The following LAMB4 variants were observed in gnomAD, a reference collection of about 807,000 sequenced individuals.
LAMB4 encodes laminin subunit beta-4.
Under a neutral mutation model 199.2 loss-of-function variants are expected in LAMB4, and 196 were observed. The ratio of observed to expected loss-of-function variants is 0.98; its 90% CI spans 0.88 to 1.11. The LOEUF (loss-of-function observed/expected upper bound fraction) is 1.11. Among genes scored for constraint, LAMB4 ranks in the 50% least tolerant of loss-of-function variants. LAMB4 has a pLI of 0.00. For synonymous variants in LAMB4, 744 were observed against 770.6 expected (o/e 0.97, Z 0.57); for missense variants, 2,080 against 2,171.2 (o/e 0.96, Z 0.83).
chr7:108,072,418 T>C (rs977611350), intron 17 of LAMB4, among the ~76,000 whole-genome samples: 5 of 152,204 alleles, frequency 3.3e-5, no homozygotes, highest in African/African-American at 1.2e-4. Context: ...GCATATTACA[T>C]TGATGTTATT....
intron 15 of LAMB4, 102 bp downstream of exon 15, chr7:108,079,499 T>A: frequency 9.8e-7 from 1 of 1,019,138 alleles, no homozygotes; most frequent in Non-Finnish European, 1.4e-6. Context: ...TTTTTACAAA[T>A]CCTTTTCTGA....
intron 4 of LAMB4, among the ~76,000 whole-genome samples, chr7:108,110,349 T>C (rs1401191963): frequency 6.6e-6 from 1 of 152,212 alleles, no homozygotes; most frequent in East Asian, 1.9e-4. Context: ...TGATTCTTTA[T>C]TATACATTTT....
rs1376977673 is a variant in LAMB4 at position 108,049,364 on chromosome 7, G to A, written c.4084C>T (p.Gln1362Ter). 6.3e-7 allele frequency: 1 copy of A among 1,582,350 alleles called. No homozygotes were observed. Among genetic ancestry groups the A allele is most frequent in the South Asian group, 1.1e-5 (1 of 90,170 alleles). ...ATTTGGATATCTGGTATCTTAATCT[G>A]CTTTAATCTTTCCAATGACAAGTTT... is the stretch of plus-strand genomic sequence containing the variant. ...KGNLSLERLKQIKIPDIQILN... is the reference protein window; with the variant it reads ...KGNLSLERLK Residue 1362 changes from glutamine to a stop codon, truncating the protein, a stop_gained, in exon 27 of 34, where the codon CAG becomes TAG. Transcript: ENST00000388781. LOFTEE classifies it high-confidence loss of function.
At chr7:108,114,435 T>C (rs958974350) in intron 3 of LAMB4, among the ~76,000 whole-genome samples, 1 of 146,826 alleles carries the variant, frequency 6.8e-6, no homozygotes, top group Admixed American at 6.6e-5. Flanking sequence ...CGAGACCCTA[T>C]CTAAAAAATA....
At chr7:108,033,863 C>A (rs1303082748) in intron 31 of LAMB4, among the ~76,000 whole-genome samples, 1 of 149,060 alleles carries the variant, frequency 6.7e-6, no homozygotes, top group Non-Finnish European at 1.5e-5. Context: ...AAAGTCTATT[C>A]CTTTCCCTGG....
intron 11 of LAMB4, 74 bp from the exon 12 acceptor site, chr7:108,095,411 C>G: frequency 9.0e-7 from 1 of 1,105,204 alleles, no homozygotes; most frequent in Non-Finnish European, 1.4e-6. Context: ...ATAGCTCACA[C>G]AAAGCAAGAA....
chr7:108,026,805 C>G, intron 33 of LAMB4: 1 of 467,022 alleles, frequency 2.1e-6, no homozygotes, highest in East Asian at 5.7e-5. Flanking sequence ...CTCTTCCTAA[C>G]AGAGAGGAAC....
At chr7:108,046,599 A>C (rs1221127354) in intron 28 of LAMB4, among the ~76,000 whole-genome samples, 1 of 152,154 alleles carries the variant, frequency 6.6e-6, no homozygotes, top group Non-Finnish European at 1.5e-5. Flanking sequence ...AAGTCTAAAG[A>C]AAACTAGGTA....
chr7:108,091,971 G>T (rs2037423213), intron 13 of LAMB4, among the ~76,000 whole-genome samples, 195 bp from the exon 14 acceptor site: 1 of 152,144 alleles, frequency 6.6e-6, no homozygotes, highest in Non-Finnish European at 1.5e-5. Flanking sequence ...GGGCCATGGA[G>T]CCCAGGCGGC....
chr7:108,030,944 C>A lies in LAMB4; in HGVS notation c.4854G>T (p.Leu1618=). The change falls in exon 32 of 34, where the codon CTG becomes CTT. Residue 1618 remains leucine, a synonymous_variant. Transcript: ENST00000388781. ...GCCCTGATCGCTGCTTTGCTAACTCCAGCTCACTCTTCATTTCCCTGGTTT... is the reference window on the plus strand; with the variant it reads ...GCCCTGATCGCTGCTTTGCTAACTCAAGCTCACTCTTCATTTCCCTGGTTT... ...ENQTREMKSE[L]ELAKQRSGLE... 6.2e-7 allele frequency: 1 copy of A among 1,613,824 alleles called. No individual in the cohort carries two copies. Among genetic ancestry groups the A allele is most frequent in the South Asian group, 1.1e-5 (1 of 91,016 alleles).
At position 108,066,417 on chromosome 7, in the gene LAMB4, C is replaced by T. The variant is rs759197067; in HGVS notation, c.2630G>A (p.Gly877Glu). The part of the protein sequence containing the change: ...RFAELCDPET[G>E]SCFNCGGFTT... Reference sequence around the variant, plus strand: ...AAAGCCTCCACAATTGAAGCATGACCCTGTCTCAGGATCACAAAGTTCAGC... The same window carrying T: ...AAAGCCTCCACAATTGAAGCATGACTCTGTCTCAGGATCACAAAGTTCAGC... The change falls in exon 20 of 34, where the codon GGG becomes GAG. Residue 877 changes from glycine (G) to glutamate (E), a missense_variant. Physicochemically the swap from Gly to Glu is moderately conservative, Grantham distance 98. Transcript: ENST00000388781. 6.2e-7 allele frequency: 1 copy of T among 1,614,176 alleles called. No homozygotes were observed. Among genetic ancestry groups the T allele is most frequent in the Middle Eastern group, 1.6e-4 (1 of 6,062 alleles).
chr7:108,021,695 G>C (rs1268052711), downstream of LAMB4, among the ~76,000 whole-genome samples: 1 of 151,654 alleles, frequency 6.6e-6, no homozygotes, highest in Admixed American at 6.6e-5. Context: ...GGCAACAAGA[G>C]CAAAACTTTG....
At chr7:108,113,900 G>T (rs571396158) in intron 3 of LAMB4, among the ~76,000 whole-genome samples, 3 of 152,252 alleles carry the variant, frequency 2.0e-5, no homozygotes, top group African/African-American at 7.2e-5. Context: ...AGTGGTCGTA[G>T]CCCCTTCTAT....
In LAMB4 at chr7:108,123,131, C is replaced by A. The variant is rs1386714256; in HGVS notation, c.34G>T (p.Gly12Trp). Residue 12 changes from glycine to tryptophan, a missense_variant and splice_region_variant, in exon 2 of 34, where the codon GGG (glycine) becomes TGG (tryptophan). Gly to Trp is a radical substitution (Grantham distance 184, BLOSUM62 -2). Coordinates refer to ENST00000388781, the MANE Select transcript of LAMB4 (RefSeq NM_007356.3). ...QFQLTLFLHL[G>W]WLSYSKAQDD... ...ATAGATTTTGACAACAAATACTCACCAAGGTGCAAAAAAAGGGTCAGTTGA... is the reference window on the plus strand; with the variant it reads ...ATAGATTTTGACAACAAATACTCACAAAGGTGCAAAAAAAGGGTCAGTTGA... 1.9e-6 allele frequency: 3 copies of A among 1,608,082 alleles called. No individual in the cohort carries two copies. The highest frequency in any genetic ancestry group is 2.2e-5 in the East Asian group (1 of 44,604).
At chr7:108,055,484 G>T in intron 25 of LAMB4, 148 bp downstream of exon 25, 1 of 891,566 alleles carries the variant, frequency 1.1e-6, no homozygotes, top group Non-Finnish European at 1.7e-6. Flanking sequence ...ATGGCGCCCG[G>T]CCCAGCCTGG....
Position 108,092,354 on chromosome 7 carries a change from T to TTAGAATAAG in LAMB4, c.1532_1533insCTTATTCTA (p.Gly511_Gly512insLeuPheTer). ...TGACTTACACGTTAGAATAAGCACC[T>TTAGAATAAG]CCAATATCACAGTCACAGGGAGAAC... On this transcript the variant is annotated stop_gained and inframe_insertion, in exon 13 of 34. Coordinates refer to ENST00000388781, the MANE Select transcript of LAMB4 (RefSeq NM_007356.3). LOFTEE classifies it high-confidence loss of function. 2 of 1,613,518 alleles carry TTAGAATAAG rather than the reference T, an allele frequency of 1.2e-6. No individual in the cohort carries two copies. Among genetic ancestry groups the TTAGAATAAG allele is most frequent in the Non-Finnish European group, 8.5e-7 (1 of 1,179,460 alleles).
chr7:108,068,122 G>A lies in LAMB4; in HGVS notation c.2340C>T (p.Ser780=). 1 of 1,614,170 alleles carries A rather than the reference G, an allele frequency of 6.2e-7. No homozygotes were observed. The highest frequency in any genetic ancestry group is 8.5e-7 in the Non-Finnish European group (1 of 1,180,022). ...KCHPQGSVGS[S]CSRLGGQCQC... is the part of the protein sequence containing the mutation. ...GGCACTGGCCTCCAAGTCGGCTGCA[G>A]CTGGATCCGACTGAGCCCTGGGGGT... Residue 780 remains serine, a synonymous_variant, in exon 19 of 34, where the codon AGC becomes AGT. Coordinates refer to ENST00000388781, the MANE Select transcript of LAMB4 (RefSeq NM_007356.3).
intron 29 of LAMB4, among the ~76,000 whole-genome samples, chr7:108,042,045 T>G (rs1318091635): frequency 6.6e-6 from 1 of 152,182 alleles, no homozygotes; most frequent in Non-Finnish European, 1.5e-5. Context: ...GGCATTCAGA[T>G]TTCAAGAAAA....
intron 19 of LAMB4, among the ~76,000 whole-genome samples, chr7:108,067,447 C>T (rs970589849): frequency 6.6e-6 from 1 of 152,230 alleles, no homozygotes; most frequent in African/African-American, 2.4e-5. Flanking sequence ...TATACCTGAA[C>T]ATATTAGCCA....
Sources: gnomAD v4.1 joint callset for allele counts (sites outside exome capture counted in the v4.1 genomes callset) on GRCh38, gnomAD v4.1.1 for gene constraint, MANE v1.5 for transcripts, NCBI Gene and HGNC (gene_info 2026-07-23, HGNC 2026-07-21) for gene names.